The following NEK7 variants were observed in gnomAD, a reference collection of about 807,000 sequenced individuals.
The protein encoded by NEK7 is serine/threonine-protein kinase Nek7.
Under a neutral mutation model 44.6 loss-of-function variants are expected in NEK7, and 18 were observed. The observed-to-expected ratio is 0.40, with a 90% CI of 0.28 to 0.60. The LOEUF is 0.60. Among genes scored for constraint, NEK7 ranks in the 20% least tolerant of loss-of-function variants. The pLI is 0.38. For synonymous variants in NEK7, 130 were observed against 121.1 expected (o/e 1.07, Z -0.48); for missense variants, 256 against 366.5 (o/e 0.70, Z 2.46).
chr1:198,261,717 G>A lies in NEK7; in HGVS notation c.199-858G>A, dbSNP rs1018314772. Among the ~76,000 whole-genome samples, 3 of 151,884 alleles carry A rather than the reference G, an allele frequency of 2.0e-5. No individual in the cohort carries two copies. The South Asian group carries it at 6.2e-4, about 32-fold the overall frequency. The stretch of plus-strand genomic sequence containing the variant: ...TTAAATGTTATTTTCCACACACTTA[G>A]AACCTTGAGAGATTTGTGTTTTCAG... On this transcript the variant is annotated intron_variant, in intron 3 of 9. Coordinates refer to ENST00000367385, the MANE Select transcript of NEK7 (RefSeq NM_133494.3).
In NEK7 at chr1:198,229,438, C is replaced by T. The variant is rs141035210; in HGVS notation, c.-28-3115C>T. ...AAACCCAGAGAGGGGGTCAGGGGAA[C>T]CCCAACTTGACGTGGGTTGGTCAGA... On this transcript the variant is annotated intron_variant, in intron 1 of 9. Transcript: ENST00000367385. Among the ~76,000 whole-genome samples the T allele has an allele frequency of 9.7e-4, 147 of 152,310 alleles. 1 individual carries two copies. Among genetic ancestry groups the T allele is most frequent in the African/African-American group, 3.4e-3 (142 of 41,578 alleles).
intron 1 of NEK7, among the ~76,000 whole-genome samples, chr1:198,158,403 C>T (rs1285096264): frequency 6.6e-6 from 1 of 152,192 alleles, no homozygotes; most frequent in African/African-American, 2.4e-5. Flanking sequence ...TTTCTAGTTC[C>T]TCCTCCAAGG....
intron 1 of NEK7, among the ~76,000 whole-genome samples, chr1:198,227,850 T>C (rs1451230406): frequency 2.0e-5 from 3 of 152,212 alleles, no homozygotes; most frequent in Middle Eastern, 3.2e-3. Flanking sequence ...TTTCTTTTGC[T>C]GTGCAGAAGC....
intron 2 of NEK7, among the ~76,000 whole-genome samples, chr1:198,241,679 G>T (rs1221190562): frequency 6.6e-6 from 1 of 152,178 alleles, no homozygotes; most frequent in Non-Finnish European, 1.5e-5. Flanking sequence ...ATATTGGCTG[G>T]GATCAGTTCT....
intron 9 of NEK7, among the ~76,000 whole-genome samples, chr1:198,303,970 G>T (rs1012380630): frequency 6.6e-6 from 1 of 151,872 alleles, no homozygotes; most frequent in Non-Finnish European, 1.5e-5. Context: ...AAATTGTTTC[G>T]GTAAATTTAA....
At chr1:198,248,468 A>G (rs1666896289) in intron 2 of NEK7, among the ~76,000 whole-genome samples, 1 of 152,206 alleles carries the variant, frequency 6.6e-6, no homozygotes, top group Non-Finnish European at 1.5e-5. Context: ...TATTTCTCTC[A>G]TAGCACAGTG....
chr1:198,278,155 AC>A (rs1654076877), intron 6 of NEK7, 86 bp downstream of exon 6: 2 of 699,186 alleles, frequency 2.9e-6, no homozygotes, highest in Non-Finnish European at 4.9e-6. Flanking sequence ...AGTACATAAT[AC>A]CATACTTTTT....
chr1:198,275,599 C>A (rs1476939226), intron 5 of NEK7, among the ~76,000 whole-genome samples: 1 of 150,610 alleles, frequency 6.6e-6, no homozygotes, highest in Non-Finnish European at 1.5e-5. Flanking sequence ...AGATAATTAA[C>A]TTTTAAAAAG....
At chr1:198,207,889 A>T (rs1480854371) in intron 1 of NEK7, among the ~76,000 whole-genome samples, 1 of 152,224 alleles carries the variant, frequency 6.6e-6, no homozygotes, top group African/African-American at 2.4e-5. Flanking sequence ...GAAAAATAAA[A>T]ATGAAATAAA....
intron 1 of NEK7, chr1:198,208,502 G>C (rs1405363091): frequency 6.6e-6 from 1 of 152,118 alleles, no homozygotes; most frequent in South Asian, 2.1e-4. Context: ...TCAGCCTCCT[G>C]AGGAGCTGGG....
At chr1:198,164,789 A>G (rs998327510) in intron 1 of NEK7, among the ~76,000 whole-genome samples, 1 of 152,212 alleles carries the variant, frequency 6.6e-6, no homozygotes, top group Non-Finnish European at 1.5e-5. Context: ...GTAGACAACC[A>G]TAAAGCTTGC....
intron 1 of NEK7, among the ~76,000 whole-genome samples, chr1:198,160,354 G>A (rs539500190): frequency 1.5e-4 from 23 of 150,224 alleles, no homozygotes; most frequent in African/African-American, 5.1e-4. Flanking sequence ...TTTTAAAAAT[G>A]CACAGTGTAG....
intron 2 of NEK7, among the ~76,000 whole-genome samples, chr1:198,249,307 T>C (rs1183817119): frequency 1.3e-5 from 2 of 152,136 alleles, no homozygotes; most frequent in East Asian, 3.9e-4. Context: ...ACATTTGGGT[T>C]GGTTCCAAGT....
At chr1:198,253,352 T>C (rs907345019) in intron 3 of NEK7, among the ~76,000 whole-genome samples, 172 bp downstream of exon 3, 2 of 152,138 alleles carry the variant, frequency 1.3e-5, no homozygotes, top group Non-Finnish European at 2.9e-5. Flanking sequence ...AGTGGAAATA[T>C]TAGTTTTAAC....
At chr1:198,209,113 AATATACACAT>A (rs1665691053) in intron 1 of NEK7, among the ~76,000 whole-genome samples, 1 of 146,028 alleles carries the variant, frequency 6.8e-6, no homozygotes, top group Non-Finnish European at 1.5e-5. Flanking sequence ...ACACACATGT[AATATACACAT>A]ATATACACAT....
At chr1:198,204,494 C>G (rs1032760931) in intron 1 of NEK7, among the ~76,000 whole-genome samples, 1 of 151,884 alleles carries the variant, frequency 6.6e-6, no homozygotes, top group Non-Finnish European at 1.5e-5. Flanking sequence ...CCGAGGCAGG[C>G]GGATCACGAG....
intron 1 of NEK7, among the ~76,000 whole-genome samples, chr1:198,158,072 G>A (rs536460924): frequency 2.0e-5 from 3 of 152,306 alleles, no homozygotes; most frequent in African/African-American, 7.2e-5. Flanking sequence ...CTGTTACACT[G>A]TAGGCCTTCA....
chr1:198,249,250 A>G (rs539908141), intron 2 of NEK7, among the ~76,000 whole-genome samples: 189 of 152,042 alleles, frequency 1.2e-3, no homozygotes, highest in Non-Finnish European at 2.2e-3. Flanking sequence ...ATAGTATTCC[A>G]TGGCGTATAT....
At chr1:198,203,191 G>A (rs1300662222) in intron 1 of NEK7, among the ~76,000 whole-genome samples, 1 of 152,160 alleles carries the variant, frequency 6.6e-6, no homozygotes, top group Non-Finnish European at 1.5e-5. Context: ...CAAGCCTTTA[G>A]ATGGAGTGTC....
Sources: gnomAD v4.1 joint callset for allele counts (sites outside exome capture counted in the v4.1 genomes callset) on GRCh38, gnomAD v4.1.1 for gene constraint, MANE v1.5 for transcripts, NCBI Gene and HGNC (gene_info 2026-07-23, HGNC 2026-07-21) for gene names.